The following ANK1 variants were observed in gnomAD, a reference collection of about 807,000 sequenced individuals.
The protein encoded by ANK1 is ankyrin 1.
In ANK1, 51 loss-of-function variants were observed where a neutral mutation model predicts 210.4. The ratio of observed to expected loss-of-function variants is 0.24; its 90% confidence interval spans 0.19 to 0.31. The LOEUF is 0.31. Ranked by LOEUF, ANK1 falls within the 10% of genes least tolerant of loss-of-function variation. The pLI is 1.00. For synonymous variants in ANK1, 967 were observed against 1,025.9 expected, an observed-to-expected ratio of 0.94 and a Z score of 1.10; for missense variants, 2,051 against 2,504.4, an observed-to-expected ratio of 0.82 and a Z score of 3.86.
At chr8:41,859,797 G>A (rs1225379543) in intron 1 of ANK1, among the ~76,000 whole-genome samples, 1 of 152,226 alleles carries the variant, frequency 6.6e-6, no homozygotes, top group African/African-American at 2.4e-5. Context: ...CCCCTTCTGA[G>A]GGACTGGAGC....
rs375660498 is a variant in ANK1, at chr8:41,827,785, CCA to C, written c.126+68568_126+68569del. 4.0e-3 allele frequency among the ~76,000 whole-genome samples: 596 copies of C among 147,536 alleles called. 7 individuals are homozygous for C. Among genetic ancestry groups the C allele is most frequent in the African/African-American group, 0.014 (563 of 39,804 alleles). ...ACACACCCCACACACATGCTCACGC[CCA>C]CACACATGCACACTCACGCACACAC... On this transcript the variant is annotated intron_variant, in intron 1 of 42. Coordinates refer to the ANK1 transcript ENST00000265709.
chr8:41,675,772 C>T (rs1169654073), intron 37 of ANK1, among the ~76,000 whole-genome samples: 1 of 152,290 alleles, frequency 6.6e-6, no homozygotes, highest in South Asian at 2.1e-4. Context: ...CTCTGCCAAC[C>T]CCAAACCATT....
intron 31 of ANK1, 75 bp from the exon 32 acceptor site, chr8:41,690,674 C>A: frequency 6.4e-7 from 1 of 1,562,922 alleles, no homozygotes; most frequent in South Asian, 1.1e-5. Flanking sequence ...ACCTTCGGTC[C>A]TTCCCTCTCC....
At chr8:41,699,609 A>T in intron 22 of ANK1, 61 bp from the exon 23 acceptor site, 1 of 1,521,498 alleles carries the variant, frequency 6.6e-7, no homozygotes. Flanking sequence ...CTCTTTTTTT[A>T]AAAAAGCTCT....
rs1341242320 is a variant in ANK1, at chr8:41,723,581, A to G, written c.764T>C (p.Val255Ala). The change falls in exon 8 of 43, where the codon GTG becomes GCG. Residue 255 changes from valine to alanine, a missense_variant. Val to Ala is a moderately conservative substitution (Grantham distance 64). This residue lies in a region of ANK1 where 1,413 missense variants were observed against 1,707.4 expected (regional missense o/e 0.83). Coordinates refer to ENST00000289734, the MANE Select transcript of ANK1 (RefSeq NM_000037.4). ...IASRRGNVIM[V>A]RLLLDRGAQI... ...GGCTCCCCGATCCAGCAGCAGCCGC[A>G]CCATGATCACGTTGCCCCTGCGGGA... The G allele has an allele frequency of 1.2e-6, 2 of 1,613,868 alleles. No homozygotes were observed. The highest frequency in any genetic ancestry group is 1.7e-6 in the Non-Finnish European group (2 of 1,179,982).
At chr8:41,882,504 C>A (rs575041998) in intron 1 of ANK1, among the ~76,000 whole-genome samples, 1 of 152,230 alleles carries the variant, frequency 6.6e-6, no homozygotes, top group African/African-American at 2.4e-5. Context: ...GGAATGCATC[C>A]CAGGGTGTTG....
intron 39 of ANK1, among the ~76,000 whole-genome samples, chr8:41,667,485 G>T (rs1236251376): frequency 3.9e-5 from 6 of 152,190 alleles, no homozygotes; most frequent in Non-Finnish European, 8.8e-5. Flanking sequence ...ACGATGGCCA[G>T]GATATGCTTC....
At chr8:41,806,974 G>A (rs1851056280) in intron 1 of ANK1, among the ~76,000 whole-genome samples, 1 of 151,906 alleles carries the variant, frequency 6.6e-6, no homozygotes, top group Non-Finnish European at 1.5e-5. Context: ...ATAAGAGGAG[G>A]GATGGAAGAA....
At chr8:41,700,525 T>G in intron 22 of ANK1, 1 of 1,464,782 alleles carries the variant, frequency 6.8e-7, no homozygotes, top group South Asian at 1.1e-5. Context: ...AGGCATATAT[T>G]ATCCAAAGGA....
chr8:41,695,130 C>A (rs1440081215), intron 27 of ANK1, 47 bp downstream of exon 27: 2 of 1,612,760 alleles, frequency 1.2e-6, no homozygotes, highest in South Asian at 1.1e-5. Context: ...AACTCAAACC[C>A]CTCTTCCGCA....
rs1530328 is a variant in ANK1 at position 41,694,202 on chromosome 8, G to T, written c.3328-100C>A. 1.5e-6 allele frequency: 2 copies of T among 1,296,948 alleles called. No homozygotes were observed. The highest frequency in any genetic ancestry group is 2.7e-5 in the South Asian group (2 of 73,954). 80.3% of individuals were successfully genotyped at this position (1,296,948 alleles called of 1,614,324 possible). Reference sequence around the variant, plus strand: ...CTGGTGAGAGTGGCCGTCAGTGCACGGGGTCCCGCCCTGCTGTTGGACCAC... The same window carrying T: ...CTGGTGAGAGTGGCCGTCAGTGCACTGGGTCCCGCCCTGCTGTTGGACCAC... On this transcript the variant is annotated intron_variant, in intron 28 of 42. Coordinates refer to ENST00000289734, the MANE Select transcript of ANK1 (RefSeq NM_000037.4). This position sits in a 1 kb window ranked among gnomAD's most constrained non-coding sequence, Gnocchi z 5.7.
intron 1 of ANK1, among the ~76,000 whole-genome samples, chr8:41,889,971 T>C (rs1359278692): frequency 6.6e-6 from 1 of 152,254 alleles, no homozygotes; most frequent in Non-Finnish European, 1.5e-5. Context: ...AGATATGATT[T>C]AAAGTATCCT....
intron 42 of ANK1, among the ~76,000 whole-genome samples, chr8:41,659,521 G>A (rs1016832810): frequency 6.6e-6 from 1 of 152,320 alleles, no homozygotes; most frequent in Admixed American, 6.5e-5. Flanking sequence ...AGGATCGACT[G>A]TACATGCTTG....
chr8:41,730,997 T>C (rs970182560), intron 3 of ANK1, among the ~76,000 whole-genome samples: 1 of 152,208 alleles, frequency 6.6e-6, no homozygotes, highest in Non-Finnish European at 1.5e-5. Context: ...TCACCCTGTT[T>C]TGGGGAGCTC....
intron 1 of ANK1, among the ~76,000 whole-genome samples, chr8:41,847,447 G>A (rs1042828133): frequency 6.6e-6 from 1 of 152,192 alleles, no homozygotes; most frequent in Non-Finnish European, 1.5e-5. Flanking sequence ...CTTCACAGGG[G>A]ACCAGGAGAG....
intron 2 of ANK1, among the ~76,000 whole-genome samples, chr8:41,747,354 T>G (rs999349993): frequency 3.9e-5 from 6 of 152,138 alleles, no homozygotes; most frequent in Admixed American, 3.9e-4. Flanking sequence ...GAGTGTCATT[T>G]TGCCTGTGAC....
In ANK1 at chr8:41,694,232, C is replaced by A; in HGVS notation, c.3328-130G>T. On this transcript the variant is annotated intron_variant, in intron 28 of 42. Coordinates refer to ENST00000289734, the MANE Select transcript of ANK1 (RefSeq NM_000037.4). This position sits in a 1 kb window ranked among gnomAD's most constrained non-coding sequence, Gnocchi z 5.7. ...CCCGCCCTGCTGTTGGACCACAGAA[C>A]CGACACGGTGGAGCTTGCCTTCCTG... 1.0e-6 allele frequency: 1 copy of A among 996,814 alleles called. No individual in the cohort carries two copies. The highest frequency in any genetic ancestry group is 1.5e-6 in the Non-Finnish European group (1 of 677,936). 61.7% of individuals were successfully genotyped at this position (996,814 alleles called of 1,614,324 possible).
chr8:41,713,835 A>G (rs1826852156), intron 16 of ANK1, among the ~76,000 whole-genome samples: 1 of 152,210 alleles, frequency 6.6e-6, no homozygotes, highest in South Asian at 2.1e-4. Flanking sequence ...TTTTATCCAC[A>G]CTGACCTCTG....
At chr8:41,894,887 T>G (rs1820170060) in intron 1 of ANK1, among the ~76,000 whole-genome samples, 1 of 151,968 alleles carries the variant, frequency 6.6e-6, no homozygotes. Flanking sequence ...CTCTGATTCA[T>G]CATCGGTTTG....
Sources: allele counts gnomAD v4.1 joint callset (sites outside exome capture counted in the v4.1 genomes callset), GRCh38; gene constraint gnomAD v4.1.1; regional missense constraint gnomAD v4.1.1; non-coding constraint Gnocchi (gnomAD v3.1); transcripts MANE v1.5; gene names NCBI Gene and HGNC (gene_info 2026-07-23, HGNC 2026-07-21).